The following CTBS variants were observed in gnomAD, a reference collection of about 807,000 sequenced individuals.
The protein encoded by CTBS is chitobiase, also known as di-N-acetylchitobiase.
Under a neutral mutation model 44.3 loss-of-function variants are expected in CTBS, and 35 were observed. The ratio of observed to expected loss-of-function variants is 0.79; its 90% CI spans 0.60 to 1.05. The LOEUF is 1.05. Among genes scored for constraint, CTBS ranks in the 50% least tolerant of loss-of-function variants. CTBS has a pLI of 0.00. For missense variants in CTBS, 458 were observed against 475.3 expected (o/e 0.96, Z 0.34); for synonymous variants, 143 against 168.0 (o/e 0.85, Z 1.15).
intron 1 of CTBS, among the ~76,000 whole-genome samples, chr1:84,573,635 C>G (rs11164009): frequency 6.6e-6 from 1 of 152,088 alleles, no homozygotes; most frequent in Admixed American, 6.5e-5. Flanking sequence ...TTTCAGTCAT[C>G]GAAGTGGGCA....
In CTBS at chr1:84,569,921, G is replaced by C. The variant is rs1647246210; in HGVS notation, c.525+10C>G. 3 of 1,605,718 alleles carry C rather than the reference G, an allele frequency of 1.9e-6. No homozygotes were observed. The highest frequency in any genetic ancestry group is 2.5e-6 in the Non-Finnish European group (3 of 1,176,820). The stretch of plus-strand genomic sequence containing the variant: ...AATATGAGGTTTCCAAAAAATAAAT[G>C]AGTTTTTACCTGTGATCCCTCAATT... On this transcript the variant is annotated intron_variant, in intron 3 of 6. Coordinates refer to ENST00000370630, the MANE Select transcript of CTBS (RefSeq NM_004388.3).
intron 6 of CTBS, among the ~76,000 whole-genome samples, chr1:84,562,789 T>G (rs986988969): frequency 2.0e-5 from 3 of 152,190 alleles, no homozygotes; most frequent in Admixed American, 2.0e-4. Context: ...TAAAATAAAT[T>G]GAAAATGATA....
chr1:84,557,538 A>G (rs1271482093), intron 6 of CTBS, among the ~76,000 whole-genome samples: 9 of 134,460 alleles, frequency 6.7e-5, no homozygotes, highest in Non-Finnish European at 1.4e-4. Context: ...CATCTCAAAA[A>G]AAAAAAAAAA....
At position 84,550,215 on chromosome 1, in the gene CTBS, T is replaced by G. The variant is rs1684230628; in HGVS notation, c.*4784A>C. ...TAGTTGTTGGTTTTTACGATGCTAA[T>G]TTAATGGTAACTTTAGAGAAAGTGT... On this transcript the variant is annotated 3_prime_UTR_variant, in exon 7 of 7. Coordinates refer to ENST00000370630, the MANE Select transcript of CTBS (RefSeq NM_004388.3). 1 of 322,966 alleles carries G rather than the reference T, an allele frequency of 3.1e-6. No homozygotes were observed. Among genetic ancestry groups the G allele is most frequent in the Admixed American group, 4.9e-5 (1 of 20,532 alleles). 20.0% of individuals were successfully genotyped at this position (322,966 alleles called of 1,614,324 possible).
chr1:84,555,277 A>G, intron 6 of CTBS, 78 bp from the exon 7 acceptor site: 1 of 1,136,034 alleles, frequency 8.8e-7, no homozygotes, highest in Non-Finnish European at 1.2e-6. Context: ...AAATAAAAGA[A>G]GTATACAGTA....
chr1:84,568,919 T>C (rs72714793), intron 3 of CTBS, among the ~76,000 whole-genome samples: 4 of 152,312 alleles, frequency 2.6e-5, no homozygotes, highest in Non-Finnish European at 5.9e-5. Context: ...TTATGCTTCC[T>C]GTATAGCCTG....
Position 84,570,647 on chromosome 1 carries a change from A to C in CTBS, c.251T>G (p.Phe84Cys). The C allele has an allele frequency of 6.2e-7, 1 of 1,614,038 alleles. No individual in the cohort carries two copies. Among genetic ancestry groups the C allele is most frequent in the East Asian group, 2.2e-5 (1 of 44,888 alleles). Residue 84 changes from phenylalanine (F) to cysteine (C), a missense_variant, in exon 2 of 7, where the codon TTT becomes TGT. Physicochemically the swap from Phe to Cys is radical, Grantham distance 205. Coordinates refer to ENST00000370630, the MANE Select transcript of CTBS (RefSeq NM_004388.3). ...CATAAGTTCTGAGTCATATTTTCCA[A>C]ATGTTGCCACAGTTGTAATCTGTGA... ...DWSQITTVAT[F>C]GKYDSELMCY...
rs1684389025 is a variant in CTBS at position 84,555,094 on chromosome 1, T to G, written c.1063A>C (p.Asn355His). 12 of 1,614,022 alleles carry G rather than the reference T, an allele frequency of 7.4e-6. No homozygotes were observed. The highest frequency in any genetic ancestry group is 1.0e-5 in the Non-Finnish European group (12 of 1,179,930). ...NYRLRGIGMW[N>H]ANCLDYSGDA... ...CCAGAGTAGTCAAGACAGTTTGCAT[T>G]CCACATGCCAATGCCCCGTAAGCGA... The change falls in exon 7 of 7, where the codon AAT (asparagine) becomes CAT (histidine). Residue 355 changes from asparagine (N) to histidine (H), a missense_variant. Physicochemically the swap from Asn to His is moderately conservative, Grantham distance 68 (BLOSUM62 1). Coordinates refer to ENST00000370630, the MANE Select transcript of CTBS (RefSeq NM_004388.3).
At position 84,552,780 on chromosome 1, in the gene CTBS, T is replaced by C. The variant is rs945598856; in HGVS notation, c.*2219A>G. On this transcript the variant is annotated 3_prime_UTR_variant, in exon 7 of 7. Coordinates refer to ENST00000370630, the MANE Select transcript of CTBS (RefSeq NM_004388.3). ...TTTCTCACTCTAGTTTTTAGAACAG[T>C]TCAATTGTATTGTCCCTATCTACTC... 1.7e-5 allele frequency: 5 copies of C among 286,560 alleles called. No individual in the cohort carries two copies. The highest frequency in any genetic ancestry group is 2.6e-5 in the Non-Finnish European group (4 of 154,568). The allele number at this position is 286,560 out of a possible 1,614,324, so 17.8% of individuals were successfully genotyped here.
rs1684298733 is a variant in CTBS, at chr1:84,552,344, T to C, written c.*2655A>G. 2.0e-5 allele frequency: 3 copies of C among 152,206 alleles called. No homozygotes were observed. The highest frequency in any genetic ancestry group is 7.2e-5 in the African/African-American group (3 of 41,460). The allele number at this position is 152,206 out of a possible 1,614,324, so 9.4% of individuals were successfully genotyped here. A position where few individuals can be genotyped will look rare whatever the true frequency, so the allele number is the denominator to read the frequency against. On this transcript the variant is annotated 3_prime_UTR_variant, in exon 7 of 7. Transcript: ENST00000370630. ...TCTGGGTGCAGCCTGAGATTCTTCC[T>C]ACCTAACAAGCTCCCAACTGATGCT...
chr1:84,565,415 A>G (rs888514377), intron 4 of CTBS, among the ~76,000 whole-genome samples: 1 of 152,204 alleles, frequency 6.6e-6, no homozygotes, highest in Non-Finnish European at 1.5e-5. Context: ...TCATGCAATG[A>G]AGGTGCCCAA....
intron 6 of CTBS, among the ~76,000 whole-genome samples, chr1:84,556,742 G>C (rs1684443990): frequency 6.6e-6 from 1 of 150,732 alleles, no homozygotes; most frequent in African/African-American, 2.4e-5. Flanking sequence ...CACTTTGAAG[G>C]AAAATAATTC....
intron 1 of CTBS, among the ~76,000 whole-genome samples, chr1:84,572,943 T>G (rs1008743726): frequency 3.3e-5 from 5 of 152,164 alleles, no homozygotes; most frequent in Non-Finnish European, 7.4e-5. Flanking sequence ...CCTCACAAAG[T>G]GCTTCTCAAT....
intron 6 of CTBS, among the ~76,000 whole-genome samples, chr1:84,557,533 C>CAAAAA (rs56101174): frequency 5.4e-5 from 3 of 55,414 alleles, no homozygotes; most frequent in Non-Finnish European, 7.1e-5. Context: ...AACTCCATCT[C>CAAAAA]AAAAAAAAAA....
Position 84,554,966 on chromosome 1 carries a change from C to T in CTBS, c.*33G>A, listed in dbSNP as rs1043493. On this transcript the variant is annotated 3_prime_UTR_variant, in exon 7 of 7. Transcript: ENST00000370630. Reference sequence around the variant, plus strand: ...AACTAGATCTGTTGATACAGATCATCTTTCTAACTCTTAATGGTTTGACAA... The same window carrying T: ...AACTAGATCTGTTGATACAGATCATTTTTCTAACTCTTAATGGTTTGACAA... The T allele has an allele frequency of 0.039, 60,939 of 1,564,168 alleles. 3,060 individuals carry two copies. Among genetic ancestry groups the T allele is most frequent in the African/African-American group, 0.24 (17,411 of 73,800 alleles).
At chr1:84,558,587 G>A (rs1259432363) in intron 6 of CTBS, among the ~76,000 whole-genome samples, 3 of 146,538 alleles carry the variant, frequency 2.0e-5, no homozygotes, top group East Asian at 2.1e-4. Flanking sequence ...CACCGCGCCC[G>A]GCCACTTTTT....
chr1:84,567,323 GTATAT>G (rs1684720093), intron 3 of CTBS, among the ~76,000 whole-genome samples: 1 of 152,058 alleles, frequency 6.6e-6, no homozygotes, highest in Non-Finnish European at 1.5e-5. Flanking sequence ...AAAATGAGAG[GTATAT>G]TATAGTAATA....
chr1:84,556,642 A>T (rs1458031202), intron 6 of CTBS, among the ~76,000 whole-genome samples: 1 of 148,086 alleles, frequency 6.8e-6, no homozygotes, highest in South Asian at 2.2e-4. Flanking sequence ...AACCCAGGAG[A>T]CGGAGGTTGC....
At chr1:84,556,706 G>A (rs1684442179) in intron 6 of CTBS, among the ~76,000 whole-genome samples, 1 of 95,046 alleles carries the variant, frequency 1.1e-5, no homozygotes, top group Non-Finnish European at 1.8e-5. Context: ...GCAAGACTCC[G>A]TCTCAAAAAA....
Sources: gnomAD v4.1 joint callset for allele counts (sites outside exome capture counted in the v4.1 genomes callset) on GRCh38, gnomAD v4.1.1 for gene constraint, MANE v1.5 for transcripts, NCBI Gene and HGNC (gene_info 2026-07-23, HGNC 2026-07-21) for gene names.